AAK1: variants seen among roughly 807,000 people sequenced by gnomAD.
AAK1 encodes the protein AP2-associated protein kinase 1.
AAK1 carries 37 observed loss-of-function variants against 116.0 expected under a neutral mutation model. The observed-to-expected ratio is 0.32, with a 90% CI of 0.25 to 0.42. The LOEUF (loss-of-function observed/expected upper bound fraction) is 0.42. Among genes scored for constraint, AAK1 ranks in the 10% least tolerant of loss-of-function variants. The probability of loss-of-function intolerance (pLI) is 1.00; values close to 1 mark genes in which losing one functional copy is unlikely to be tolerated. For synonymous variants in AAK1, 458 were observed against 439.9 expected (o/e 1.04, Z -0.51); for missense variants, 919 against 1,170.6 (o/e 0.79, Z 3.14).
At chr2:69,588,043 C>T (rs1469754093) in intron 2 of AAK1, among the ~76,000 whole-genome samples, 13 of 152,084 alleles carry the variant, frequency 8.5e-5, no homozygotes, top group African/African-American at 3.1e-4. Context: ...GGATTACAGG[C>T]ATGAGCTACC....
At chr2:69,548,264 CAT>C (rs1355947181) in intron 3 of AAK1, among the ~76,000 whole-genome samples, 3 of 152,064 alleles carry the variant, frequency 2.0e-5, no homozygotes, top group African/African-American at 4.8e-5. Flanking sequence ...ACAAAAGTAA[CAT>C]GACAGACTGG....
At chr2:69,518,718 A>G (rs1364693765) in intron 12 of AAK1, among the ~76,000 whole-genome samples, 1 of 152,084 alleles carries the variant, frequency 6.6e-6, no homozygotes, top group Non-Finnish European at 1.5e-5. Context: ...CACCCGGCCA[A>G]AAAAATAGCT....
chr2:69,576,135 ACTC>A (rs910540985), intron 2 of AAK1, among the ~76,000 whole-genome samples: 7 of 151,654 alleles, frequency 4.6e-5, no homozygotes, highest in African/African-American at 1.7e-4. Context: ...CCAGACCACA[ACTC>A]CTACAAAACC....
chr2:69,514,000 C>A (rs1676488449), intron 13 of AAK1, among the ~76,000 whole-genome samples: 1 of 152,164 alleles, frequency 6.6e-6, no homozygotes, highest in Admixed American at 6.5e-5. Flanking sequence ...GGTAAGCAGG[C>A]CCTTGACGGG....
At chr2:69,558,504 G>A (rs766215232) in intron 2 of AAK1, among the ~76,000 whole-genome samples, 1 of 152,198 alleles carries the variant, frequency 6.6e-6, no homozygotes, top group African/African-American at 2.4e-5. Context: ...GACAAAGTGA[G>A]GCAAAGCTGT....
At chr2:69,594,923 C>T in intron 2 of AAK1, 1 of 1,135,006 alleles carries the variant, frequency 8.8e-7, no homozygotes, top group Admixed American at 1.7e-5. Context: ...CCACTACAGC[C>T]ACTCTGCTTC....
chr2:69,582,293 T>C (rs11888454), intron 2 of AAK1, among the ~76,000 whole-genome samples: 3,207 of 152,198 alleles, frequency 0.021, 100 homozygotes, highest in African/African-American at 0.07. Flanking sequence ...CTCTTTGAAA[T>C]AAGAAGTAGA....
At position 69,514,620 on chromosome 2, in the gene AAK1, G is replaced by T; in HGVS notation, c.1627C>A (p.Gln543Lys). 1 of 1,580,312 alleles carries T rather than the reference G, an allele frequency of 6.3e-7. No homozygotes were observed. The highest frequency in any genetic ancestry group is 8.6e-7 in the Non-Finnish European group (1 of 1,162,792). The change falls in exon 13 of 22, where the codon CAA (glutamine) becomes AAA (lysine). Residue 543 changes from glutamine to lysine, a missense_variant. Coordinates refer to ENST00000409085, the MANE Select transcript of AAK1 (RefSeq NM_014911.5). ...AGGGCTGTGGCCAGCTGTTGCTGTT[G>T]CTGTTGTTGTTGCTGCTGCTGCTGC... is the stretch of plus-strand genomic sequence containing the variant. ...QQQQQQQQQQ[Q>K]QQQLATALHQ...
intron 2 of AAK1, among the ~76,000 whole-genome samples, chr2:69,570,272 C>G (rs1672040732): frequency 6.6e-6 from 1 of 151,626 alleles, no homozygotes; most frequent in Non-Finnish European, 1.5e-5. Flanking sequence ...TTTCCTCTGC[C>G]TGGAATATCC....
intron 17 of AAK1, among the ~76,000 whole-genome samples, chr2:69,488,643 G>A (rs751684496): frequency 2.5e-4 from 38 of 152,134 alleles, no homozygotes; most frequent in Non-Finnish European, 3.8e-4. Context: ...TGGGCTAGGG[G>A]GTCACCAAGC....
At position 69,468,144 on chromosome 2, in the gene AAK1, T is replaced by A; in HGVS notation, c.*7725A>T. The A allele has an allele frequency of 1.0e-6, 1 of 985,282 alleles. No individual in the cohort carries two copies. The highest frequency in any genetic ancestry group is 1.2e-6 in the Non-Finnish European group (1 of 829,782). 61.0% of individuals were successfully genotyped at this position (985,282 alleles called of 1,614,324 possible). A position where few individuals can be genotyped will look rare whatever the true frequency, so the allele number is the denominator to read the frequency against. On this transcript the variant is annotated 3_prime_UTR_variant, in exon 22 of 22. Coordinates refer to ENST00000409085, the MANE Select transcript of AAK1 (RefSeq NM_014911.5). Reference sequence around the variant, plus strand: ...AAAGAATAAATTTTTCCTTGTATTATAATTTTAGTATGTGCAGCTACATGG... The same window carrying A: ...AAAGAATAAATTTTTCCTTGTATTAAAATTTTAGTATGTGCAGCTACATGG...
rs1446685081 is a variant in AAK1 at position 69,471,107 on chromosome 2, C to A, written c.*4762G>T. 1 of 985,634 alleles carries A rather than the reference C, an allele frequency of 1.0e-6. No homozygotes were observed. Among genetic ancestry groups the A allele is most frequent in the Non-Finnish European group, 1.2e-6 (1 of 829,938 alleles). The allele number at this position is 985,634 out of a possible 1,614,324, so 61.1% of individuals were successfully genotyped here. On this transcript the variant is annotated 3_prime_UTR_variant, in exon 22 of 22. Coordinates refer to ENST00000409085, the MANE Select transcript of AAK1 (RefSeq NM_014911.5). Reference sequence around the variant, plus strand: ...GGACGCGTTAAAGACCTATGATAAACACACATCCACATGACAAAGGAGAGT... The same window carrying A: ...GGACGCGTTAAAGACCTATGATAAAAACACATCCACATGACAAAGGAGAGT...
At chr2:69,634,442 G>A (rs748939626) in intron 2 of AAK1, among the ~76,000 whole-genome samples, 1 of 152,172 alleles carries the variant, frequency 6.6e-6, no homozygotes, top group African/African-American at 2.4e-5. Context: ...AGGCTATTTC[G>A]CATAAGAGCA....
chr2:69,479,587 T>G (rs1214292220), intron 19 of AAK1, among the ~76,000 whole-genome samples: 1 of 152,120 alleles, frequency 6.6e-6, no homozygotes, highest in Non-Finnish European at 1.5e-5. Context: ...CCAAACTGAT[T>G]AGGAGAGGGT....
chr2:69,612,714 C>A (rs1674142451), intron 2 of AAK1, among the ~76,000 whole-genome samples: 1 of 152,166 alleles, frequency 6.6e-6, no homozygotes, highest in Non-Finnish European at 1.5e-5. Context: ...TCTAAGGAGG[C>A]AAGCCAATCC....
At chr2:69,546,987 G>C (rs781458484) in intron 3 of AAK1, among the ~76,000 whole-genome samples, 1 of 152,242 alleles carries the variant, frequency 6.6e-6, no homozygotes. Context: ...GATCCTTTGA[G>C]TGGCATCAGT....
At chr2:69,508,448 T>A (rs566468660) in intron 14 of AAK1, among the ~76,000 whole-genome samples, 1 of 152,214 alleles carries the variant, frequency 6.6e-6, no homozygotes, top group Non-Finnish European at 1.5e-5. Flanking sequence ...AGTGTATGGT[T>A]CTAAGACAGT....
At chr2:69,480,541 C>T (rs895744039) in intron 19 of AAK1, among the ~76,000 whole-genome samples, 2 of 152,024 alleles carry the variant, frequency 1.3e-5, no homozygotes, top group Non-Finnish European at 2.9e-5. Flanking sequence ...CCTTACAGCT[C>T]GGCAGAGTTC....
chr2:69,562,205 G>A (rs929554862), intron 2 of AAK1, among the ~76,000 whole-genome samples: 7 of 152,210 alleles, frequency 4.6e-5, no homozygotes, highest in African/African-American at 7.2e-5. Context: ...AGCCACATAC[G>A]AGAGTTCTGT....
Sources: allele counts gnomAD v4.1 joint callset (sites outside exome capture counted in the v4.1 genomes callset), GRCh38; gene constraint gnomAD v4.1.1; transcripts MANE v1.5; gene names NCBI Gene and HGNC (gene_info 2026-07-23, HGNC 2026-07-21).